Variants in ACBD6 observed in about 807,000 individuals in gnomAD.
ACBD6 encodes acyl-CoA-binding domain-containing protein 6.
In ACBD6, 28 loss-of-function variants were observed where a neutral mutation model predicts 37.2. That is an observed-to-expected ratio of 0.75 (90% CI 0.56 to 1.03). The LOEUF is 1.03. ACBD6 is among the 50% of genes least tolerant of loss of function. The pLI, the probability that ACBD6 is intolerant of heterozygous loss-of-function variation, is 0.00. For synonymous variants in ACBD6, 113 were observed against 126.8 expected (o/e 0.89, Z 0.73); for missense variants, 340 against 337.4 (o/e 1.01, Z -0.06).
At chr1:180,307,994 T>C (rs768567533) in intron 7 of ACBD6, among the ~76,000 whole-genome samples, 13 of 152,166 alleles carry the variant, frequency 8.5e-5, no homozygotes, top group Non-Finnish European at 1.9e-4. Flanking sequence ...AACTCTCTTG[T>C]TCCACTCTTA....
At chr1:180,325,674 C>T (rs778545311) in intron 6 of ACBD6, among the ~76,000 whole-genome samples, 12 of 152,200 alleles carry the variant, frequency 7.9e-5, no homozygotes, top group Middle Eastern at 3.4e-3. Flanking sequence ...TTGTAGTCTT[C>T]GCAATTTGGG....
At chr1:180,359,726 G>C (rs1431264706) in intron 6 of ACBD6, among the ~76,000 whole-genome samples, 2 of 151,738 alleles carry the variant, frequency 1.3e-5, no homozygotes, top group African/African-American at 2.4e-5. Flanking sequence ...TTGCTTTGCT[G>C]TTATGACTTT....
chr1:180,405,763 C>T (rs28751933), intron 5 of ACBD6, among the ~76,000 whole-genome samples: 1,667 of 152,088 alleles, frequency 0.011, 37 homozygotes, highest in African/African-American at 0.037. Context: ...AATACTCTCC[C>T]CATACTTTAA....
downstream of ACBD6, among the ~76,000 whole-genome samples, chr1:180,288,034 G>GT (rs148550572): frequency 2.0e-5 from 3 of 152,102 alleles, no homozygotes; most frequent in South Asian, 6.2e-4. Context: ...GCTTCTGTAT[G>GT]TTTTTTAAAA....
chr1:180,347,939 C>T (rs371905558), intron 6 of ACBD6, among the ~76,000 whole-genome samples: 1 of 150,778 alleles, frequency 6.6e-6, no homozygotes, highest in African/African-American at 2.5e-5. Flanking sequence ...GGTGACACAG[C>T]GAGACCCCGT....
rs1476986520 is a variant in ACBD6 at position 180,493,266 on chromosome 1, AAAAAAAAAAAAAC to A, written c.288-914_288-902del. On this transcript the variant is annotated intron_variant, in intron 2 of 7. Transcript: ENST00000367595. ...CTGTCTCAAAAAAAAAAAAAAAAAA[AAAAAAAAAAAAAC>A]AACAACAGCAACTAAAGAATACTAA... Among the ~76,000 whole-genome samples the A allele has an allele frequency of 9.3e-3, 1,315 of 141,272 alleles. 38 individuals carry two copies. Among genetic ancestry groups the A allele is most frequent in the African/African-American group, 0.036 (1,239 of 34,298 alleles). 92.7% of individuals were successfully genotyped at this position (141,272 alleles called of 152,430 possible). A position where few individuals can be genotyped will look rare whatever the true frequency, so the allele number is the denominator to read the frequency against.
At chr1:180,386,862 G>A (rs539604223) in intron 6 of ACBD6, among the ~76,000 whole-genome samples, 2 of 152,058 alleles carry the variant, frequency 1.3e-5, no homozygotes, top group East Asian at 3.9e-4. Flanking sequence ...TATGATGACT[G>A]CTCTAAAATC....
chr1:180,490,785 CAA>C (rs78365337), intron 3 of ACBD6, among the ~76,000 whole-genome samples: 16 of 75,442 alleles, frequency 2.1e-4, no homozygotes, highest in Non-Finnish European at 2.9e-4. Context: ...GACTCTGTCT[CAA>C]AAAAAAAAAA....
At chr1:180,376,602 TA>T (rs1028098814) in intron 6 of ACBD6, among the ~76,000 whole-genome samples, 4 of 151,714 alleles carry the variant, frequency 2.6e-5, no homozygotes, top group African/African-American at 7.3e-5. Flanking sequence ...ACCTTTCATG[TA>T]AAAAAAATGG....
intron 7 of ACBD6, among the ~76,000 whole-genome samples, chr1:180,302,022 T>A (rs1650148840): frequency 6.6e-6 from 1 of 151,816 alleles, no homozygotes; most frequent in Non-Finnish European, 1.5e-5. Flanking sequence ...AATTTTAACT[T>A]TTTATAATAG....
rs567332734 is a variant in ACBD6 at position 180,451,791 on chromosome 1, T to C, written c.385-21529A>G. Among the ~76,000 whole-genome samples, 118 of 152,226 alleles carry C rather than the reference T, an allele frequency of 7.8e-4. 1 individual carries two copies. The highest frequency in any genetic ancestry group is 2.7e-3 in the African/African-American group (114 of 41,566). On this transcript the variant is annotated intron_variant, in intron 3 of 7. Coordinates refer to ENST00000367595, the MANE Select transcript of ACBD6 (RefSeq NM_032360.4). ...GGGGATGAAAATGTTCTAAGATGAATTGTAATGATGGTTGTACAACTTCAT... is the reference window on the plus strand; with the variant it reads ...GGGGATGAAAATGTTCTAAGATGAACTGTAATGATGGTTGTACAACTTCAT...
At chr1:180,337,267 A>G (rs1571378132) in intron 6 of ACBD6, among the ~76,000 whole-genome samples, 1 of 152,274 alleles carries the variant, frequency 6.6e-6, no homozygotes, top group East Asian at 1.9e-4. Flanking sequence ...AAATACTGAA[A>G]AACCGAATCC....
At chr1:180,434,971 A>T in intron 3 of ACBD6, 1 of 849,258 alleles carries the variant, frequency 1.2e-6, no homozygotes, top group Non-Finnish European at 2.1e-6. Context: ...CTGTAAACCA[A>T]GTACAGATGG....
intron 9 of ACBD6, chr1:180,276,183 G>C (rs1026932615): frequency 2.0e-5 from 3 of 152,148 alleles, no homozygotes; most frequent in Non-Finnish European, 4.4e-5. Context: ...GAAGTGATGG[G>C]GCCAGAGACC....
intron 3 of ACBD6, among the ~76,000 whole-genome samples, chr1:180,482,369 T>C (rs992979759): frequency 6.6e-6 from 1 of 152,156 alleles, no homozygotes; most frequent in South Asian, 2.1e-4. Context: ...AGTTCTCCCA[T>C]CTATGCTATT....
intron 9 of ACBD6, among the ~76,000 whole-genome samples, chr1:180,280,155 C>T (rs1649264141): frequency 6.6e-6 from 1 of 152,148 alleles, no homozygotes; most frequent in Non-Finnish European, 1.5e-5. Flanking sequence ...CTCTACTGGA[C>T]GGTGCTCATA....
intron 3 of ACBD6, among the ~76,000 whole-genome samples, chr1:180,476,634 T>C (rs1304964649): frequency 6.6e-6 from 1 of 152,180 alleles, no homozygotes; most frequent in African/African-American, 2.4e-5. Context: ...GAGACCAGCC[T>C]GGTCAACATG....
chr1:180,279,984 A>G (rs996200784), intron 9 of ACBD6, among the ~76,000 whole-genome samples: 9 of 152,268 alleles, frequency 5.9e-5, no homozygotes, highest in Admixed American at 1.3e-4. Flanking sequence ...TATGGTAGCT[A>G]CTAGCCACAC....
At chr1:180,449,695 T>C (rs1649623811) in intron 3 of ACBD6, among the ~76,000 whole-genome samples, 1 of 151,734 alleles carries the variant, frequency 6.6e-6, no homozygotes. Context: ...TTCTCACTCA[T>C]AGGTGGGAAT....
Sources: gnomAD v4.1 joint callset for allele counts (sites outside exome capture counted in the v4.1 genomes callset) on GRCh38, gnomAD v4.1.1 for gene constraint, MANE v1.5 for transcripts, NCBI Gene and HGNC (gene_info 2026-07-23, HGNC 2026-07-21) for gene names.